CLVS1: variants seen among roughly 807,000 people sequenced by gnomAD.
CLVS1 encodes clavesin-1.
In CLVS1, 10 loss-of-function variants were observed where a neutral mutation model predicts 33.1. The observed-to-expected ratio is 0.30, with a 90% confidence interval of 0.19 to 0.51. CLVS1 has a LOEUF of 0.51. Ranked by LOEUF, CLVS1 falls within the 20% of genes least tolerant of loss-of-function variation. The pLI is 0.97. For synonymous variants in CLVS1, 163 were observed against 166.1 expected, an observed-to-expected ratio of 0.98 and a Z score of 0.14; for missense variants, 343 against 433.4, an observed-to-expected ratio of 0.79 and a Z score of 1.85.
intron 5 of CLVS1, among the ~76,000 whole-genome samples, chr8:61,490,501 T>A (rs1804034425): frequency 6.6e-6 from 1 of 151,410 alleles, no homozygotes; most frequent in African/African-American, 2.4e-5. Context: ...ACCCCATCTC[T>A]ACTAAAAATA....
intron 2 of CLVS1, among the ~76,000 whole-genome samples, chr8:61,187,355 C>T (rs1207050604): frequency 6.6e-6 from 1 of 152,106 alleles, no homozygotes; most frequent in African/African-American, 2.4e-5. Flanking sequence ...TTGATTTTCA[C>T]ACAGCTTACC....
chr8:61,351,221 A>T (rs954486640), intron 2 of CLVS1, among the ~76,000 whole-genome samples: 5 of 152,244 alleles, frequency 3.3e-5, no homozygotes, highest in Admixed American at 3.3e-4. Flanking sequence ...CAGTAAAGGA[A>T]TAGAAGTTAT....
chr8:61,068,516 T>C (rs976299251), intron 1 of CLVS1, among the ~76,000 whole-genome samples: 3 of 151,930 alleles, frequency 2.0e-5, no homozygotes, highest in African/African-American at 4.8e-5. Flanking sequence ...TTAGGGCTGA[T>C]GAATTAGGAG....
chr8:61,144,428 C>T (rs1806375823), intron 2 of CLVS1, among the ~76,000 whole-genome samples: 1 of 152,182 alleles, frequency 6.6e-6, no homozygotes, highest in African/African-American at 2.4e-5. Context: ...ATATGTGCCA[C>T]ATTTTCTTTA....
At chr8:61,121,758 A>G (rs1805875289) in intron 1 of CLVS1, among the ~76,000 whole-genome samples, 1 of 152,176 alleles carries the variant, frequency 6.6e-6, no homozygotes, top group African/African-American at 2.4e-5. Context: ...ACAGAAACAC[A>G]CCCACACACA....
chr8:61,024,078 G>A, the CLVS1 span, among the ~76,000 whole-genome samples: 1 of 152,308 alleles, frequency 6.6e-6, no homozygotes, highest in Non-Finnish European at 1.5e-5. Context: ...CCTGTTAGAC[G>A]AGGACACTGG....
chr8:60,973,919 C>G, the CLVS1 span, among the ~76,000 whole-genome samples: 1 of 152,146 alleles, frequency 6.6e-6, no homozygotes, highest in Non-Finnish European at 1.5e-5. Flanking sequence ...TCATGTCTGA[C>G]TAGCTGCCCA....
At chr8:61,496,641 T>C (rs1256542045) in intron 5 of CLVS1, among the ~76,000 whole-genome samples, 1 of 133,680 alleles carries the variant, frequency 7.5e-6, no homozygotes, top group Non-Finnish European at 1.7e-5. Flanking sequence ...TATATAAGGT[T>C]GGACTGTTTG....
chr8:61,115,822 C>A (rs1003144404), intron 1 of CLVS1, among the ~76,000 whole-genome samples: 1 of 147,152 alleles, frequency 6.8e-6, no homozygotes, highest in Non-Finnish European at 1.5e-5. Flanking sequence ...GTGAATAATG[C>A]CGCAATAAAC....
intron 3 of CLVS1, among the ~76,000 whole-genome samples, chr8:61,433,476 A>G (rs1340370512): frequency 6.6e-6 from 1 of 152,192 alleles, no homozygotes; most frequent in Admixed American, 6.5e-5. Context: ...GCCCAAGCTT[A>G]ACTTTACCTT....
At chr8:61,103,981 T>A (rs1805492820) in intron 1 of CLVS1, among the ~76,000 whole-genome samples, 1 of 152,228 alleles carries the variant, frequency 6.6e-6, no homozygotes, top group Admixed American at 6.5e-5. Context: ...GTATTCAGGG[T>A]CATGATACAA....
chr8:61,365,270 G>A (rs902236621), intron 2 of CLVS1, among the ~76,000 whole-genome samples: 1 of 152,148 alleles, frequency 6.6e-6, no homozygotes, highest in Non-Finnish European at 1.5e-5. Context: ...GCTCACGTCT[G>A]TAATCCCAGT....
intron 2 of CLVS1, among the ~76,000 whole-genome samples, chr8:61,263,007 C>T (rs945361450): frequency 9.9e-5 from 15 of 152,132 alleles, no homozygotes; most frequent in Admixed American, 1.3e-4. Flanking sequence ...TGTCTCAGGG[C>T]AGGAAGATGA....
At chr8:61,356,207 G>A (rs936841721) in intron 2 of CLVS1, among the ~76,000 whole-genome samples, 1 of 152,042 alleles carries the variant, frequency 6.6e-6, no homozygotes. Flanking sequence ...CTGCATAAAT[G>A]TCTTCTTTTG....
At chr8:61,368,598 A>G (rs980214929) in intron 2 of CLVS1, among the ~76,000 whole-genome samples, 1 of 152,166 alleles carries the variant, frequency 6.6e-6, no homozygotes, top group Admixed American at 6.5e-5. Flanking sequence ...CTAGAGAGAC[A>G]CACATTTGCA....
At chr8:61,431,530 G>A (rs1201599911) in intron 3 of CLVS1, among the ~76,000 whole-genome samples, 1 of 152,076 alleles carries the variant, frequency 6.6e-6, no homozygotes, top group Non-Finnish European at 1.5e-5. Flanking sequence ...CTGCTACCTA[G>A]CCAGCTTTTA....
At chr8:61,086,078 T>A (rs1183077789) in intron 1 of CLVS1, among the ~76,000 whole-genome samples, 4 of 106,970 alleles carry the variant, frequency 3.7e-5, no homozygotes, top group Non-Finnish European at 3.8e-5. Flanking sequence ...AAAAAAAAAA[T>A]TAGCTTGTTG....
At chr8:61,184,995 T>C (rs964002415) in intron 2 of CLVS1, among the ~76,000 whole-genome samples, 1 of 152,228 alleles carries the variant, frequency 6.6e-6, no homozygotes, top group Admixed American at 6.5e-5. Context: ...TATATTTATG[T>C]TTACATGTGT....
chr8:61,089,387 G>T (rs1805188607), intron 1 of CLVS1, among the ~76,000 whole-genome samples: 2 of 152,156 alleles, frequency 1.3e-5, no homozygotes, highest in South Asian at 4.1e-4. Flanking sequence ...TGTAGGTTCT[G>T]GGACATATGT....
Sources: gnomAD v4.1 joint callset for allele counts (sites outside exome capture counted in the v4.1 genomes callset) on GRCh38, gnomAD v4.1.1 for gene constraint, MANE v1.5 for transcripts, NCBI Gene and HGNC (gene_info 2026-07-23, HGNC 2026-07-21) for gene names.